Variants in HDAC8 observed in about 807,000 individuals in gnomAD.
HDAC8 encodes histone deacetylase 8.
HDAC8 carries 1 observed loss-of-function variant against 32.2 expected under a neutral mutation model. The ratio of observed to expected loss-of-function variants is 0.03; its 90% CI spans 0.01 to 0.15. HDAC8 has a LOEUF of 0.15. HDAC8 is among the 10% of genes least tolerant of loss of function. HDAC8 has a pLI of 1.00. For synonymous variants in HDAC8, 108 were observed against 113.9 expected (o/e 0.95, Z 0.33); for missense variants, 117 against 300.0 (o/e 0.39, Z 4.51).
intron 9 of HDAC8, among the ~76,000 whole-genome samples, chrX:72,449,762 T>G (rs2047523981): frequency 9.0e-6 from 1 of 111,179 alleles, no homozygotes; most frequent in Admixed American, 9.6e-5. Flanking sequence ...TCACTTCAAA[T>G]GTAATGATAT....
At position 72,496,463 on chromosome X, in the gene HDAC8, A is replaced by G. The variant is rs6624618; in HGVS notation, c.438-1195T>C. 2.3e-4 allele frequency among the ~76,000 whole-genome samples: 26 copies of G among 111,325 alleles called. No homozygotes were observed. In the East Asian group the frequency reaches 7.4e-3, roughly 32 times the overall value. On this transcript the variant is annotated intron_variant, in intron 4 of 10. Transcript: ENST00000373573. ...TAGATATGCAACCAGGTAGAGACCA[A>G]TTAAAGAAAAAGATTTCTCCATCTA...
intron 4 of HDAC8, among the ~76,000 whole-genome samples, chrX:72,544,758 G>A (rs2050809654): frequency 8.9e-6 from 1 of 111,919 alleles, no homozygotes; most frequent in Non-Finnish European, 1.9e-5. Context: ...GAAGGTTCCA[G>A]ACTAATTTTG....
intron 4 of HDAC8, among the ~76,000 whole-genome samples, chrX:72,500,102 A>G (rs1407678928): frequency 9.0e-6 from 1 of 111,425 alleles, no homozygotes; most frequent in Non-Finnish European, 1.9e-5. Context: ...CCCTAAACAG[A>G]CCAATAATGA....
At chrX:72,495,314 A>C (rs1170838158) in intron 4 of HDAC8, 46 bp from the exon 5 acceptor site, 1 of 898,789 alleles carries the variant, frequency 1.1e-6, no homozygotes, top group East Asian at 3.3e-5. Flanking sequence ...AAAGCAATCC[A>C]AGGGAGTCTT....
At chrX:72,560,565 TAAAAAAAAAAAAAAA>T (rs147846647) in intron 4 of HDAC8, among the ~76,000 whole-genome samples, 3 of 35,225 alleles carry the variant, frequency 8.5e-5, no homozygotes, top group East Asian at 1.9e-3. Flanking sequence ...CAATAAATAC[TAAAAAAAAAAAAAAA>T]AAAAAAAAAA....
At chrX:72,443,151 C>T (rs1438999993) in intron 9 of HDAC8, among the ~76,000 whole-genome samples, 5 of 110,698 alleles carry the variant, frequency 4.5e-5, no homozygotes, top group African/African-American at 9.9e-5. Context: ...AACAAGGATA[C>T]CCAGGAATGA....
chrX:72,348,167 C>T (rs1429994041), intron 10 of HDAC8, among the ~76,000 whole-genome samples: 1 of 112,054 alleles, frequency 8.9e-6, no homozygotes, highest in African/African-American at 3.2e-5. Flanking sequence ...ACAAATTCAA[C>T]CAGATATGCT....
chrX:72,411,103 G>A (rs138024713), intron 9 of HDAC8, among the ~76,000 whole-genome samples: 1,110 of 101,496 alleles, frequency 0.011, 11 homozygotes, highest in African/African-American at 0.031. Flanking sequence ...TCGGCTCACT[G>A]CAACCTCTGC....
chrX:72,468,074 T>G (rs1339060895), intron 7 of HDAC8: 22 of 1,127,672 alleles, frequency 2.0e-5, no homozygotes, highest in Non-Finnish European at 2.6e-5. Flanking sequence ...TTGTACATAG[T>G]GCAAACTTCA....
At chrX:72,566,196 T>C (rs1215202567) in intron 4 of HDAC8, among the ~76,000 whole-genome samples, 2 of 104,976 alleles carry the variant, frequency 1.9e-5, no homozygotes, top group African/African-American at 3.5e-5. Flanking sequence ...TGGTGGCACA[T>C]ACCTGTAATG....
At chrX:72,503,923 G>A (rs1457657423) in intron 4 of HDAC8, among the ~76,000 whole-genome samples, 1 of 112,168 alleles carries the variant, frequency 8.9e-6, no homozygotes, top group Non-Finnish European at 1.9e-5. Context: ...TTCCTGGCAA[G>A]TCTTAGAAGC....
intron 9 of HDAC8, among the ~76,000 whole-genome samples, chrX:72,415,564 T>C (rs1236476419): frequency 8.9e-6 from 1 of 112,050 alleles, no homozygotes; most frequent in African/African-American, 3.2e-5. Flanking sequence ...ATGGCCACAG[T>C]ATGTCTCTCC....
chrX:72,412,336 A>G (rs1466313847), intron 9 of HDAC8, among the ~76,000 whole-genome samples: 1 of 112,102 alleles, frequency 8.9e-6, no homozygotes, highest in Non-Finnish European at 1.9e-5. Context: ...TTGAGGGGCT[A>G]CTATGTGCCA....
intron 4 of HDAC8, among the ~76,000 whole-genome samples, chrX:72,525,613 A>G (rs2050117764): frequency 9.1e-6 from 1 of 109,321 alleles, no homozygotes; most frequent in African/African-American, 3.3e-5. Flanking sequence ...GCAGATCGAG[A>G]CCATCCTGGC....
chrX:72,555,876 C>T (rs1178452026), intron 4 of HDAC8, among the ~76,000 whole-genome samples: 3 of 112,219 alleles, frequency 2.7e-5, no homozygotes, highest in African/African-American at 6.5e-5. Context: ...CTAGAGAGCT[C>T]GACATCCAAA....
At chrX:72,557,942 T>C (rs1276415184) in intron 4 of HDAC8, among the ~76,000 whole-genome samples, 1 of 111,735 alleles carries the variant, frequency 8.9e-6, no homozygotes, top group African/African-American at 3.3e-5. Flanking sequence ...GATTATTCAA[T>C]GCTACTAAGA....
chrX:72,329,531 T>C lies in HDAC8; in HGVS notation c.*523A>G. On this transcript the variant is annotated 3_prime_UTR_variant, in exon 11 of 11. Coordinates refer to ENST00000373573, the MANE Select transcript of HDAC8 (RefSeq NM_018486.3). The stretch of plus-strand genomic sequence containing the variant: ...GACAAAGAGGTAGGTTTTCAAAGAT[T>C]TTATTAAAAAAACCAAAGATATATA... The C allele has an allele frequency of 1.7e-6, 1 of 598,377 alleles. No homozygotes were observed. Among genetic ancestry groups the C allele is most frequent in the Non-Finnish European group, 2.6e-6 (1 of 389,591 alleles). The allele number at this position is 598,377 out of a possible 1,213,427, so 49.3% of individuals were successfully genotyped here.
chrX:72,362,291 T>A (rs1483249467), intron 9 of HDAC8, among the ~76,000 whole-genome samples: 1 of 111,676 alleles, frequency 9.0e-6, no homozygotes, highest in Non-Finnish European at 1.9e-5. Flanking sequence ...CTCTCTTGCT[T>A]CCTCTCTGGC....
intron 7 of HDAC8, among the ~76,000 whole-genome samples, chrX:72,471,333 A>G (rs1473157376): frequency 1.8e-5 from 2 of 112,153 alleles, no homozygotes; most frequent in Non-Finnish European, 3.8e-5. Context: ...CACATTTTCA[A>G]TTCTCTTGGG....
Sources: allele counts gnomAD v4.1 joint callset (sites outside exome capture counted in the v4.1 genomes callset), GRCh38; gene constraint gnomAD v4.1.1; transcripts MANE v1.5; gene names NCBI Gene and HGNC (gene_info 2026-07-23, HGNC 2026-07-21).